Variants in EYS observed in about 807,000 individuals in gnomAD.
EYS encodes protein eyes shut homolog.
Under a neutral mutation model 282.1 loss-of-function variants are expected in EYS, and 250 were observed. That is an observed-to-expected ratio of 0.89 (90% CI 0.80 to 0.98). EYS has a LOEUF of 0.98. Ranked by LOEUF, EYS falls within the 50% of genes least tolerant of loss-of-function variation. The probability of loss-of-function intolerance (pLI) is 0.00; values close to 1 mark genes in which losing one functional copy is unlikely to be tolerated. For missense variants in EYS, 4,016 were observed against 3,709.0 expected, an observed-to-expected ratio of 1.08 and a Z score of -2.15; for synonymous variants, 1,355 against 1,282.9, an observed-to-expected ratio of 1.06 and a Z score of -1.20.
At chr6:64,844,357 G>GT (rs1765657623) in intron 19 of EYS, among the ~76,000 whole-genome samples, 3 of 145,562 alleles carry the variant, frequency 2.1e-5, no homozygotes, top group African/African-American at 7.6e-5. Flanking sequence ...TATGCTGTTG[G>GT]GTTTTTTTTT....
At chr6:65,230,349 A>G (rs1236761674) in intron 12 of EYS, among the ~76,000 whole-genome samples, 5 of 133,252 alleles carry the variant, frequency 3.8e-5, no homozygotes, top group Non-Finnish European at 8.3e-5. Flanking sequence ...AGCATCCAGA[A>G]TGATTGGTCC....
intron 9 of EYS, among the ~76,000 whole-genome samples, chr6:65,353,058 GT>G (rs540545725): frequency 4.9e-4 from 74 of 150,862 alleles, no homozygotes; most frequent in East Asian, 7.8e-4. Flanking sequence ...CAATTGCCCA[GT>G]TTTTTTTTCT....
chr6:64,723,422 G>T (rs1006493253), intron 22 of EYS, among the ~76,000 whole-genome samples: 10 of 152,128 alleles, frequency 6.6e-5, no homozygotes, highest in African/African-American at 9.7e-5. Context: ...GGCACTGCAG[G>T]ATGCTTTAAT....
intron 12 of EYS, among the ~76,000 whole-genome samples, chr6:65,171,190 T>A (rs1765097080): frequency 6.6e-6 from 1 of 151,494 alleles, no homozygotes; most frequent in Non-Finnish European, 1.5e-5. Flanking sequence ...CCAAACCAGT[T>A]TCCTGAAAAC....
intron 2 of EYS, among the ~76,000 whole-genome samples, chr6:65,631,552 C>T (rs570890671): frequency 1.3e-4 from 20 of 151,902 alleles, no homozygotes; most frequent in Non-Finnish European, 2.1e-4. Flanking sequence ...AAAATCTAGT[C>T]TGATCTCTGT....
At chr6:64,903,838 A>G (rs980012677) in intron 16 of EYS, among the ~76,000 whole-genome samples, 12 of 152,136 alleles carry the variant, frequency 7.9e-5, no homozygotes, top group African/African-American at 2.9e-4. Context: ...TCCCGTTGCA[A>G]TTTAACAGGG....
chr6:64,747,676 C>T (rs1207813739), intron 22 of EYS, among the ~76,000 whole-genome samples: 11 of 152,180 alleles, frequency 7.2e-5, no homozygotes. Flanking sequence ...CCATGCCCAG[C>T]CCTAGAATCA....
intron 26 of EYS, among the ~76,000 whole-genome samples, chr6:64,551,023 A>T (rs1582884456): frequency 6.6e-6 from 1 of 152,208 alleles, no homozygotes; most frequent in South Asian, 2.1e-4. Flanking sequence ...AGAAAAGCCT[A>T]GCTATAGTAG....
chr6:63,741,457 A>C (rs1769073680), intron 41 of EYS, among the ~76,000 whole-genome samples: 1 of 152,244 alleles, frequency 6.6e-6, no homozygotes, highest in Non-Finnish European at 1.5e-5. Flanking sequence ...ACTTAAGGAT[A>C]AATGATATGG....
chr6:63,721,224 C>G lies in EYS; in HGVS notation c.8807G>C (p.Ser2936Thr). ...LCIPDQSFSY[S>T]CLCTLGWVGR... ...CACCCAACCCAAAGTACACAGGCAA[C>G]TGTAAGAAAATGATTGGTCAGGTAT... Residue 2936 changes from serine to threonine, a missense_variant, in exon 43 of 43, where the codon AGT becomes ACT. By Grantham distance (58) the Ser-to-Thr change is moderately conservative. Coordinates refer to ENST00000503581, the MANE Select transcript of EYS (RefSeq NM_001142800.2). The G allele has an allele frequency of 6.4e-7, 1 of 1,551,736 alleles. No individual in the cohort carries two copies.
chr6:64,545,612 C>G (rs527510129), intron 26 of EYS, among the ~76,000 whole-genome samples: 1 of 152,250 alleles, frequency 6.6e-6, no homozygotes, highest in African/African-American at 2.4e-5. Context: ...GACTGTATAT[C>G]TAGAAAACCC....
Position 65,150,180 on chromosome 6 carries a change from T to C in EYS, c.2024-92453A>G, listed in dbSNP as rs80053087. On this transcript the variant is annotated intron_variant, in intron 12 of 42. Transcript: ENST00000503581. ...AGCCAAGCCATATCACCTGTCATTA[T>C]GGGGGGAAATAGTGTGAACACTTTT... Among the ~76,000 whole-genome samples the C allele has an allele frequency of 9.0e-3, 1,363 of 152,156 alleles. 15 individuals carry two copies. Among genetic ancestry groups the C allele is most frequent in the African/African-American group, 0.031 (1,291 of 41,544 alleles).
At chr6:64,088,682 C>T (rs1371998070) in intron 31 of EYS, among the ~76,000 whole-genome samples, 1 of 151,718 alleles carries the variant, frequency 6.6e-6, no homozygotes, top group Non-Finnish European at 1.5e-5. Context: ...GAATCAGGGC[C>T]ACTATCAATA....
intron 12 of EYS, among the ~76,000 whole-genome samples, chr6:65,110,688 C>CT (rs908426933): frequency 2.6e-5 from 4 of 151,594 alleles, no homozygotes; most frequent in African/African-American, 7.3e-5. Context: ...AAATGTGTAT[C>CT]TTTTTTTCAA....
chr6:63,923,062 T>C (rs1764616386), intron 35 of EYS, among the ~76,000 whole-genome samples: 1 of 152,202 alleles, frequency 6.6e-6, no homozygotes, highest in Middle Eastern at 3.2e-3. Context: ...ATCAATGCAT[T>C]GTAAGTTTGC....
At chr6:65,226,921 G>T (rs777554804) in intron 12 of EYS, among the ~76,000 whole-genome samples, 12 of 152,126 alleles carry the variant, frequency 7.9e-5, no homozygotes, top group Non-Finnish European at 1.6e-4. Flanking sequence ...ACAAACAATG[G>T]AATATTATTC....
chr6:64,086,585 A>G (rs1485972374), intron 31 of EYS, among the ~76,000 whole-genome samples: 1 of 152,056 alleles, frequency 6.6e-6, no homozygotes, highest in African/African-American at 2.4e-5. Flanking sequence ...TCTTCCTCAA[A>G]TCCTAGGTAT....
chr6:65,492,360 AAGAG>A (rs1363690917), intron 4 of EYS, among the ~76,000 whole-genome samples: 78 of 151,974 alleles, frequency 5.1e-4, no homozygotes, highest in Admixed American at 1.4e-3. Flanking sequence ...GAAAGAAAGA[AAGAG>A]AGAAAGGAAG....
chr6:64,355,919 A>C (rs1369917521), intron 29 of EYS, among the ~76,000 whole-genome samples: 1 of 151,620 alleles, frequency 6.6e-6, no homozygotes, highest in Non-Finnish European at 1.5e-5. Flanking sequence ...GAAGATGTTA[A>C]TATTTGATCA....
Sources: allele counts gnomAD v4.1 joint callset (sites outside exome capture counted in the v4.1 genomes callset), GRCh38; gene constraint gnomAD v4.1.1; transcripts MANE v1.5; gene names NCBI Gene and HGNC (gene_info 2026-07-23, HGNC 2026-07-21).